ADAMTSL1: variants seen among roughly 807,000 people sequenced by gnomAD.
ADAMTSL1 encodes the protein ADAMTS-like protein 1.
ADAMTSL1 carries 126 observed loss-of-function variants against 201.8 expected under a neutral mutation model. That is an observed-to-expected ratio of 0.62 (90% CI 0.54 to 0.72). ADAMTSL1 has a LOEUF of 0.72. Among genes scored for constraint, ADAMTSL1 ranks in the 30% least tolerant of loss-of-function variants. ADAMTSL1 has a pLI of 0.00. For synonymous variants in ADAMTSL1, 1,121 were observed against 903.4 expected (o/e 1.24, Z -4.32); for missense variants, 2,679 against 2,277.8 (o/e 1.18, Z -3.59).
At chr9:18,891,867 A>G (rs1188548732) in intron 25 of ADAMTSL1, among the ~76,000 whole-genome samples, 1 of 152,232 alleles carries the variant, frequency 6.6e-6, no homozygotes, top group Admixed American at 6.5e-5. Flanking sequence ...GGAAGTACCA[A>G]CACTGCAGTT....
At chr9:18,148,562 C>T (rs1370384390) in intron 1 of ADAMTSL1, among the ~76,000 whole-genome samples, 1 of 152,018 alleles carries the variant, frequency 6.6e-6, no homozygotes, top group Non-Finnish European at 1.5e-5. Flanking sequence ...CAAAGTTCTA[C>T]AGAAACTTAC....
At chr9:18,100,808 A>T (rs749386700) in intron 1 of ADAMTSL1, among the ~76,000 whole-genome samples, 2 of 152,122 alleles carry the variant, frequency 1.3e-5, no homozygotes, top group Non-Finnish European at 2.9e-5. Flanking sequence ...TTGGCTAAAC[A>T]TTTTCAGTAT....
intron 26 of ADAMTSL1, among the ~76,000 whole-genome samples, chr9:18,894,955 C>T (rs1251959255): frequency 2.6e-5 from 4 of 151,854 alleles, no homozygotes; most frequent in Admixed American, 6.6e-5. Context: ...GAGCTTTTTC[C>T]AGAAGGAAGG....
intron 24 of ADAMTSL1, among the ~76,000 whole-genome samples, chr9:18,888,777 T>C (rs1330989236): frequency 6.6e-6 from 1 of 152,144 alleles, no homozygotes; most frequent in East Asian, 1.9e-4. Flanking sequence ...TTTGTGCCAA[T>C]ACGGCACAAA....
At position 18,721,609 on chromosome 9, in the gene ADAMTSL1, C is replaced by T. The variant is rs1240869232; in HGVS notation, c.1950C>T (p.Thr650=). 1.9e-6 allele frequency: 3 copies of T among 1,613,828 alleles called. No individual in the cohort carries two copies. The highest frequency in any genetic ancestry group is 1.3e-5 in the African/African-American group (1 of 74,916). The change falls in exon 15 of 29, where the codon ACC becomes ACT. Residue 650 remains threonine, a synonymous_variant. Coordinates refer to ENST00000380548, the MANE Select transcript of ADAMTSL1 (RefSeq NM_001040272.6). ...CTGCTGAGGAGAACCTGTGCGTGAC[C>T]AGCCGCCGGCCCCCACAGCTCCTGA... ...REPAEENLCV[T]SRRPPQLLKS... is the part of the protein sequence containing the mutation.
At chr9:18,598,614 T>TA (rs894995990) in intron 4 of ADAMTSL1, among the ~76,000 whole-genome samples, 34 of 150,218 alleles carry the variant, frequency 2.3e-4, no homozygotes, top group East Asian at 5.8e-4. Context: ...TTGTATTATT[T>TA]AAAAAAAAAA....
At chr9:18,868,824 CTTCT>C (rs1429119021) in intron 23 of ADAMTSL1, among the ~76,000 whole-genome samples, 2 of 152,172 alleles carry the variant, frequency 1.3e-5, no homozygotes, top group African/African-American at 2.4e-5. Context: ...TTCAAACTCT[CTTCT>C]TTGTCTCATC....
chr9:17,994,144 A>T (rs1487688616), intron 1 of ADAMTSL1, among the ~76,000 whole-genome samples: 1 of 150,840 alleles, frequency 6.6e-6, no homozygotes, highest in African/African-American at 2.4e-5. Context: ...CACAGGGGTG[A>T]TCCTCAAGAT....
intron 1 of ADAMTSL1, among the ~76,000 whole-genome samples, chr9:18,483,700 G>A (rs1331544681): frequency 6.6e-6 from 1 of 152,138 alleles, no homozygotes; most frequent in East Asian, 1.9e-4. Flanking sequence ...GGTGGCGGGT[G>A]CCTGTAGTCC....
At chr9:18,463,824 G>T (rs1009492552) in intron 2 of ADAMTSL1, among the ~76,000 whole-genome samples, 1 of 152,130 alleles carries the variant, frequency 6.6e-6, no homozygotes, top group Non-Finnish European at 1.5e-5. Flanking sequence ...GAACATGGGC[G>T]TACAAATATC....
chr9:18,634,186 A>G (rs1314032398), intron 5 of ADAMTSL1, among the ~76,000 whole-genome samples: 2 of 152,202 alleles, frequency 1.3e-5, no homozygotes, highest in Admixed American at 1.3e-4. Context: ...TAAGGTTCAG[A>G]GAAATTGAGT....
chr9:18,864,817 T>C (rs561660389), intron 23 of ADAMTSL1, among the ~76,000 whole-genome samples: 32 of 152,370 alleles, frequency 2.1e-4, no homozygotes, highest in Non-Finnish European at 3.7e-4. Flanking sequence ...TCTGGACTGA[T>C]GCCCTGTCCT....
intron 20 of ADAMTSL1, among the ~76,000 whole-genome samples, chr9:18,800,377 CAAAAAAAAAAAAAAA>C (rs58346548): frequency 4.9e-5 from 3 of 60,664 alleles, no homozygotes; most frequent in Non-Finnish European, 8.9e-5. Context: ...AACTCCATCT[CAAAAAAAAAAAAAAA>C]AAAAAAAAAA....
chr9:18,808,757 C>G (rs1460993160), intron 20 of ADAMTSL1, among the ~76,000 whole-genome samples: 1 of 152,172 alleles, frequency 6.6e-6, no homozygotes, highest in South Asian at 2.1e-4. Context: ...TCTGAGGCAG[C>G]CAGTCCACAG....
intron 20 of ADAMTSL1, among the ~76,000 whole-genome samples, chr9:18,816,720 C>CTTTT (rs751791974): frequency 1.5e-4 from 6 of 39,752 alleles, no homozygotes; most frequent in African/African-American, 2.1e-4. Context: ...AACCCTTGGT[C>CTTTT]TTTTTTTTTT....
At chr9:18,885,193 CA>C (rs1469313530) in intron 23 of ADAMTSL1, among the ~76,000 whole-genome samples, 2 of 152,196 alleles carry the variant, frequency 1.3e-5, no homozygotes, top group African/African-American at 4.8e-5. Context: ...TCCTCCTTTG[CA>C]TCCTCCAAAA....
At chr9:17,999,226 T>C (rs1447861598) in intron 1 of ADAMTSL1, among the ~76,000 whole-genome samples, 3 of 152,172 alleles carry the variant, frequency 2.0e-5, no homozygotes, top group Non-Finnish European at 2.9e-5. Flanking sequence ...AATTCCTTTG[T>C]AGTTTTTTGC....
At chr9:18,895,040 C>T (rs924131048) in intron 26 of ADAMTSL1, among the ~76,000 whole-genome samples, 4 of 152,130 alleles carry the variant, frequency 2.6e-5, no homozygotes, top group East Asian at 1.9e-4. Context: ...TTTATACATA[C>T]GGTGCATATT....
At chr9:18,647,350 A>T in intron 7 of ADAMTSL1, among the ~76,000 whole-genome samples, 1 of 127,472 alleles carries the variant, frequency 7.8e-6, no homozygotes, top group Non-Finnish European at 1.6e-5. Flanking sequence ...TCCTGGATTC[A>T]TTAATTTTTT....
Sources: gnomAD v4.1 joint callset for allele counts (sites outside exome capture counted in the v4.1 genomes callset) on GRCh38, gnomAD v4.1.1 for gene constraint, MANE v1.5 for transcripts, NCBI Gene and HGNC (gene_info 2026-07-23, HGNC 2026-07-21) for gene names.